C1orf167: variants seen among roughly 807,000 people sequenced by gnomAD.
C1orf167 encodes uncharacterized protein C1orf167.
C1orf167 carries 153 observed loss-of-function variants against 176.5 expected under a neutral mutation model. The observed-to-expected ratio is 0.87, with a 90% confidence interval of 0.76 to 0.99. The LOEUF (loss-of-function observed/expected upper bound fraction) is 0.99. C1orf167 is among the 50% of genes least tolerant of loss of function. The pLI, the probability that C1orf167 is intolerant of heterozygous loss-of-function variation, is 0.00. For missense variants in C1orf167, 1,490 were observed against 1,817.7 expected (o/e 0.82, Z 3.28); for synonymous variants, 594 against 752.7 (o/e 0.79, Z 3.45).
chr1:11,762,256 T>C lies in C1orf167; in HGVS notation c.-120T>C, dbSNP rs1416154837. On this transcript the variant is annotated 5_prime_UTR_variant, in exon 1 of 21. Coordinates refer to ENST00000688073, the MANE Select transcript of C1orf167 (RefSeq NM_001010881.2). ...ATCGTTAGCGGTCCCAGCCCCCGTC[T>C]AGATTCAAATCCGACTGGGTGAAGG... is the stretch of plus-strand genomic sequence containing the variant. The C allele has an allele frequency of 2.3e-6, 1 of 430,678 alleles. No homozygotes were observed. The highest frequency in any genetic ancestry group is 4.7e-6 in the Non-Finnish European group (1 of 211,796). 26.7% of individuals were successfully genotyped at this position (430,678 alleles called of 1,614,324 possible).
rs1396095501 is a variant in C1orf167 at position 11,787,974 on chromosome 1, G to A, written c.3775G>A (p.Gly1259Arg). The A allele has an allele frequency of 7.7e-7, 1 of 1,304,274 alleles. No homozygotes were observed. The highest frequency in any genetic ancestry group is 1.5e-5 in the African/African-American group (1 of 65,994). The allele number at this position is 1,304,274 out of a possible 1,614,324, so 80.8% of individuals were successfully genotyped here. ...CCTGCCCCTGTGGACGAGGGACCAGGGACCAAGAGCGCACTCCAGCCCTGA... is the reference window on the plus strand; with the variant it reads ...CCTGCCCCTGTGGACGAGGGACCAGAGACCAAGAGCGCACTCCAGCCCTGA... ...PGLPLWTRDQ[G>R]PRAHSSPEPR... The change falls in exon 18 of 21, where the codon GGA becomes AGA. Residue 1259 changes from glycine to arginine, a missense_variant. By Grantham distance (125) the Gly-to-Arg change is moderately radical. Coordinates refer to ENST00000688073, the MANE Select transcript of C1orf167 (RefSeq NM_001010881.2).
chr1:11,781,904 C>T (rs527278059), intron 13 of C1orf167, among the ~76,000 whole-genome samples: 60 of 140,786 alleles, frequency 4.3e-4, no homozygotes, highest in Admixed American at 1.9e-3. Context: ...AGTAAGACTC[C>T]GTCTCAAAAA....
chr1:11,782,407 G>A, intron 14 of C1orf167, 74 bp downstream of exon 14: 2 of 1,146,328 alleles, frequency 1.7e-6, no homozygotes, highest in Non-Finnish European at 2.2e-6. Context: ...CCCAGGGGGT[G>A]GGAAGCTCAG....
rs1367826939 is a variant in C1orf167, at chr1:11,775,471, G to A, written c.2025G>A (p.Gly675=). The A allele has an allele frequency of 1.8e-5, 24 of 1,303,768 alleles. No individual in the cohort carries two copies. The highest frequency in any genetic ancestry group is 2.4e-5 in the Non-Finnish European group (24 of 988,756). 80.8% of individuals were successfully genotyped at this position (1,303,768 alleles called of 1,614,324 possible). A position where few individuals can be genotyped will look rare whatever the true frequency, so the allele number is the denominator to read the frequency against. Residue 675 remains glycine, a synonymous_variant, in exon 9 of 21, where the codon GGG becomes GGA. Coordinates refer to ENST00000688073, the MANE Select transcript of C1orf167 (RefSeq NM_001010881.2). Reference sequence around the variant, plus strand: ...CGTGGCAGCAGTTCGTGCAAAGAGGGTCCCGGTACCGAGACCACCTGGCTG... The same window carrying A: ...CGTGGCAGCAGTTCGTGCAAAGAGGATCCCGGTACCGAGACCACCTGGCTG... ...FGAWQQFVQR[G]SRYRDHLADR... is the part of the protein sequence containing the mutation.
Position 11,787,865 on chromosome 1 carries a change from C to T in C1orf167, c.3674-8C>T. 8.3e-7 allele frequency: 1 copy of T among 1,210,770 alleles called. No individual in the cohort carries two copies. Among genetic ancestry groups the T allele is most frequent in the Non-Finnish European group, 1.1e-6 (1 of 942,628 alleles). The allele number at this position is 1,210,770 out of a possible 1,614,324, so 75.0% of individuals were successfully genotyped here. A position where few individuals can be genotyped will look rare whatever the true frequency, so the allele number is the denominator to read the frequency against. On this transcript the variant is annotated splice_region_variant and splice_polypyrimidine_tract_variant and intron_variant, in intron 17 of 20. Coordinates refer to ENST00000688073, the MANE Select transcript of C1orf167 (RefSeq NM_001010881.2). ...CTTAACCTCTTGTGACTCAACTCCC[C>T]TTTCCAGGGTGCAGGGAACATTCCC...
At chr1:11,786,800 T>G (rs976080950) in intron 16 of C1orf167, 1 of 152,214 alleles carries the variant, frequency 6.6e-6, no homozygotes, top group African/African-American at 2.4e-5. Context: ...AGTTGCAGAA[T>G]TCACACATAT....
intron 14 of C1orf167, among the ~76,000 whole-genome samples, chr1:11,783,055 A>G (rs1337516421): frequency 1.3e-5 from 2 of 152,080 alleles, no homozygotes; most frequent in Non-Finnish European, 2.9e-5. Context: ...ATTTAAGTAA[A>G]GATGTTCTGG....
chr1:11,765,767 G>C, intron 2 of C1orf167, 90 bp from the exon 3 acceptor site: 1 of 1,127,124 alleles, frequency 8.9e-7, no homozygotes. Context: ...CTGGGGCCCT[G>C]TCCCCTCCCT....
At chr1:11,775,694 T>C (rs1418801377) in intron 9 of C1orf167, 84 bp downstream of exon 9, 1 of 1,232,554 alleles carries the variant, frequency 8.1e-7, no homozygotes, top group Non-Finnish European at 1.1e-6. Flanking sequence ...ATGTGAATTC[T>C]TGTGGGAGGT....
At chr1:11,776,827 A>G (rs1213600268) in intron 10 of C1orf167, among the ~76,000 whole-genome samples, 189 bp downstream of exon 10, 2 of 152,174 alleles carry the variant, frequency 1.3e-5, no homozygotes, top group African/African-American at 2.4e-5. Context: ...AGGCCCTGGG[A>G]GGTGGCCTAG....
At position 11,775,418 on chromosome 1, in the gene C1orf167, T is replaced by C; in HGVS notation, c.1989-17T>C. ...GATCTTGCAATTGACATGGGTACTT[T>C]CCCTCTGTTCTCCCAGGTGCTTCGG... On this transcript the variant is annotated splice_polypyrimidine_tract_variant and intron_variant, in intron 8 of 20. Coordinates refer to ENST00000688073, the MANE Select transcript of C1orf167 (RefSeq NM_001010881.2). 3 of 1,281,556 alleles carry C rather than the reference T, an allele frequency of 2.3e-6. No individual in the cohort carries two copies. The highest frequency in any genetic ancestry group is 3.1e-6 in the Non-Finnish European group (3 of 977,320). 79.4% of individuals were successfully genotyped at this position (1,281,556 alleles called of 1,614,324 possible). A position where few individuals can be genotyped will look rare whatever the true frequency, so the allele number is the denominator to read the frequency against.
intron 6 of C1orf167, among the ~76,000 whole-genome samples, chr1:11,770,972 TTGTGTGTGTG>T (rs753081071): frequency 4.3e-4 from 34 of 78,558 alleles, no homozygotes; most frequent in South Asian, 2.6e-3. Flanking sequence ...ACTGGCTAAT[TTGTGTGTGTG>T]TGTGTGTGTG....
Position 11,768,967 on chromosome 1 carries a change from A to C in C1orf167, c.1543-6A>C. ...ACATCTCCTTTCCCCTTCTCTCTTG[A>C]GCCAGTGGAGAAACCTGGCTTTACA... On this transcript the variant is annotated splice_polypyrimidine_tract_variant and splice_region_variant and intron_variant, in intron 5 of 20. Coordinates refer to ENST00000688073, the MANE Select transcript of C1orf167 (RefSeq NM_001010881.2). This position sits in a 1 kb window ranked among gnomAD's most constrained non-coding sequence, Gnocchi z 4.5. The C allele has an allele frequency of 1.0e-6, 1 of 985,934 alleles. No homozygotes were observed. Among genetic ancestry groups the C allele is most frequent in the South Asian group, 4.7e-5 (1 of 21,292 alleles). 61.1% of individuals were successfully genotyped at this position (985,934 alleles called of 1,614,324 possible).
chr1:11,771,824 C>T (rs1311599861), intron 7 of C1orf167, among the ~76,000 whole-genome samples, 188 bp downstream of exon 7: 2 of 152,160 alleles, frequency 1.3e-5, no homozygotes, highest in African/African-American at 4.8e-5. Context: ...GCCCATTTTA[C>T]GGATGGGGAA....
At chr1:11,781,668 T>C (rs949104752) in intron 13 of C1orf167, among the ~76,000 whole-genome samples, 1 of 152,180 alleles carries the variant, frequency 6.6e-6, no homozygotes, top group African/African-American at 2.4e-5. Flanking sequence ...CCCAGCAATT[T>C]GGGAGGCCCG....
At position 11,785,253 on chromosome 1, in the gene C1orf167, G is replaced by A; in HGVS notation, c.3531G>A (p.Gln1177=). 7.8e-7 allele frequency: 1 copy of A among 1,289,886 alleles called. No individual in the cohort carries two copies. The highest frequency in any genetic ancestry group is 1.0e-6 in the Non-Finnish European group (1 of 987,690). The allele number at this position is 1,289,886 out of a possible 1,614,324, so 79.9% of individuals were successfully genotyped here. A position where few individuals can be genotyped will look rare whatever the true frequency, so the allele number is the denominator to read the frequency against. ...AELRRFLRTV[Q]LRVRLGLPGA... ...TCAGGCGCTTCCTGCGGACAGTGCA[G>A]CTCAGGGTGCGGCTGGGACTGCCAG... The change falls in exon 16 of 21, where the codon CAG becomes CAA. Residue 1177 remains glutamine, a synonymous_variant. Transcript: ENST00000688073.
rs1264412822 is a variant in C1orf167 at position 11,772,244 on chromosome 1, G to C, written c.1973G>C (p.Arg658Thr). ...GCCCCACTGAGCCCCCAGCACCAGA[G>C]AGCTTGGCTGTGCAGGTAGGATGCC... ...WVAPLSPQHQ[R>T]AWLCRCFGAW... Residue 658 changes from arginine to threonine, a missense_variant, in exon 8 of 21, where the codon AGA becomes ACA. Arg to Thr is a moderately conservative substitution (Grantham distance 71). Coordinates refer to ENST00000688073, the MANE Select transcript of C1orf167 (RefSeq NM_001010881.2). 1.5e-6 allele frequency: 2 copies of C among 1,303,416 alleles called. No homozygotes were observed. The highest frequency in any genetic ancestry group is 1.0e-6 in the Non-Finnish European group (1 of 988,690). 80.7% of individuals were successfully genotyped at this position (1,303,416 alleles called of 1,614,324 possible).
At chr1:11,782,677 T>G (rs1286356306) in intron 14 of C1orf167, among the ~76,000 whole-genome samples, 1 of 151,996 alleles carries the variant, frequency 6.6e-6, no homozygotes, top group Non-Finnish European at 1.5e-5. Flanking sequence ...TCCCAGCACT[T>G]TGGGAGGCCG....
In C1orf167 at chr1:11,787,634, C is replaced by T. The variant is rs569629260; in HGVS notation, c.3673+141C>T. The T allele has an allele frequency of 4.2e-3, 3,362 of 806,676 alleles. 14 individuals carry two copies. The highest frequency in any genetic ancestry group is 5.2e-3 in the Non-Finnish European group (3,085 of 598,014). The allele number at this position is 806,676 out of a possible 1,614,324, so 50.0% of individuals were successfully genotyped here. On this transcript the variant is annotated intron_variant, in intron 17 of 20. Coordinates refer to ENST00000688073, the MANE Select transcript of C1orf167 (RefSeq NM_001010881.2). Reference sequence around the variant, plus strand: ...CCATTCTCCCCATCCATTCCCTCTTCGGAATGTTTCAGCTGTTCTGAGAAA... The same window carrying T: ...CCATTCTCCCCATCCATTCCCTCTTTGGAATGTTTCAGCTGTTCTGAGAAA...
Sources: gnomAD v4.1 joint callset for allele counts (sites outside exome capture counted in the v4.1 genomes callset) on GRCh38, gnomAD v4.1.1 for gene constraint, Gnocchi (gnomAD v3.1) non-coding constraint, MANE v1.5 for transcripts, NCBI Gene and HGNC (gene_info 2026-07-23, HGNC 2026-07-21) for gene names.